The following DSCAM variants were observed in gnomAD, a reference collection of about 807,000 sequenced individuals.
DSCAM encodes the protein DS cell adhesion molecule.
DSCAM carries 47 observed loss-of-function variants against 217.7 expected under a neutral mutation model. That is an observed-to-expected ratio of 0.22 (90% CI 0.17 to 0.28). The LOEUF (loss-of-function observed/expected upper bound fraction) is 0.28. Ranked by LOEUF, DSCAM falls within the 10% of genes least tolerant of loss-of-function variation. DSCAM has a pLI of 1.00. For missense variants in DSCAM, 2,080 were observed against 2,618.3 expected, an observed-to-expected ratio of 0.79 and a Z score of 4.49; for synonymous variants, 1,056 against 1,015.3, an observed-to-expected ratio of 1.04 and a Z score of -0.76.
chr21:40,212,442 T>G (rs1367648397), intron 11 of DSCAM: 1 of 154,236 alleles, frequency 6.5e-6, no homozygotes, highest in Middle Eastern at 5.1e-4. Flanking sequence ...AGCCCTGGTC[T>G]CAGCCTTACC....
chr21:40,412,569 G>C (rs964711205), intron 3 of DSCAM, among the ~76,000 whole-genome samples: 1 of 152,168 alleles, frequency 6.6e-6, no homozygotes, highest in African/African-American at 2.4e-5. Context: ...CTTTGAACTT[G>C]ACAGATATGA....
At chr21:40,796,909 T>C (rs1258534059) in intron 1 of DSCAM, among the ~76,000 whole-genome samples, 23 of 152,224 alleles carry the variant, frequency 1.5e-4, no homozygotes, top group Admixed American at 1.5e-3. Flanking sequence ...TATCCACTTA[T>C]TTTCCTTGTC....
chr21:40,209,368 T>C (rs941688407), intron 11 of DSCAM, among the ~76,000 whole-genome samples: 1 of 152,214 alleles, frequency 6.6e-6, no homozygotes, highest in Non-Finnish European at 1.5e-5. Flanking sequence ...TCATAGACGT[T>C]GCATGGCGAT....
chr21:40,121,981 G>A (rs766510880), intron 20 of DSCAM, among the ~76,000 whole-genome samples: 3 of 151,970 alleles, frequency 2.0e-5, no homozygotes, highest in Non-Finnish European at 4.4e-5. Context: ...GTGAGCCACC[G>A]TGCCTTGCTG....
intron 2 of DSCAM, 26 bp downstream of exon 2, chr21:40,708,428 A>G (rs1367907975): frequency 3.6e-6 from 5 of 1,386,354 alleles, no homozygotes; most frequent in African/African-American, 1.5e-5. Flanking sequence ...AGGCACAGAA[A>G]AAACAAAGCC....
intron 11 of DSCAM, among the ~76,000 whole-genome samples, chr21:40,224,604 GAATTC>G (rs2091315484): frequency 6.6e-6 from 1 of 152,124 alleles, no homozygotes; most frequent in Non-Finnish European, 1.5e-5. Context: ...TGCAAAAAGA[GAATTC>G]AATTCCATAA....
chr21:40,043,728 G>A (rs1038205433), intron 31 of DSCAM, among the ~76,000 whole-genome samples: 2 of 152,212 alleles, frequency 1.3e-5, no homozygotes, highest in African/African-American at 2.4e-5. Flanking sequence ...TGGGTCAGAC[G>A]CCCTCAGAGT....
At chr21:40,541,001 A>G (rs2146132081) in intron 3 of DSCAM, among the ~76,000 whole-genome samples, 1 of 152,186 alleles carries the variant, frequency 6.6e-6, no homozygotes, top group Non-Finnish European at 1.5e-5. Context: ...AGTAGCTGGG[A>G]CTACAGGTGC....
intron 20 of DSCAM, among the ~76,000 whole-genome samples, chr21:40,094,178 G>A (rs1170425201): frequency 6.6e-6 from 1 of 152,064 alleles, no homozygotes; most frequent in Middle Eastern, 3.2e-3. Flanking sequence ...CCTCCCACCT[G>A]AAACAACTGA....
chr21:40,185,701 T>C, intron 14 of DSCAM, among the ~76,000 whole-genome samples: 1 of 152,136 alleles, frequency 6.6e-6, no homozygotes, highest in Non-Finnish European at 1.5e-5. Flanking sequence ...TAAGAAGCAT[T>C]TGCTTCACTT....
Position 40,045,098 on chromosome 21 carries a change from CTG to C in DSCAM, c.5186-825_5186-824del, listed in dbSNP as rs1191357645. Among the ~76,000 whole-genome samples the C allele has an allele frequency of 2.0e-5, 3 of 152,336 alleles. No individual in the cohort carries two copies. In the East Asian group the frequency reaches 5.8e-4, roughly 29 times the overall value. ...GGCCATGGGATGATGCAGGTGGAGA[CTG>C]GAGTGCTACAGCTGCAAGCAAATAC... is the stretch of plus-strand genomic sequence containing the variant. On this transcript the variant is annotated intron_variant, in intron 30 of 32. Coordinates refer to ENST00000400454, the MANE Select transcript of DSCAM (RefSeq NM_001389.5).
At chr21:40,768,569 C>T (rs898574779) in intron 1 of DSCAM, among the ~76,000 whole-genome samples, 13 of 152,144 alleles carry the variant, frequency 8.5e-5, no homozygotes, top group Admixed American at 6.5e-4. Context: ...GTATAATGAA[C>T]GAAGCCAGCT....
intron 3 of DSCAM, among the ~76,000 whole-genome samples, chr21:40,373,886 A>T (rs1027064808): frequency 6.6e-6 from 1 of 152,192 alleles, no homozygotes; most frequent in East Asian, 1.9e-4. Context: ...TGCTTTCTTC[A>T]TCTAGAAAAA....
chr21:40,217,977 T>C (rs1462285908), intron 11 of DSCAM, among the ~76,000 whole-genome samples: 1 of 152,208 alleles, frequency 6.6e-6, no homozygotes, highest in Non-Finnish European at 1.5e-5. Flanking sequence ...ATCATTTCTT[T>C]TGCTATGCAG....
intron 3 of DSCAM, among the ~76,000 whole-genome samples, chr21:40,448,999 G>C (rs533811596): frequency 6.6e-6 from 1 of 152,266 alleles, no homozygotes; most frequent in East Asian, 1.9e-4. Flanking sequence ...CCTCTGAAGA[G>C]AAAATTATTA....
chr21:40,080,913 C>A (rs1228755563), intron 24 of DSCAM, among the ~76,000 whole-genome samples: 1 of 152,210 alleles, frequency 6.6e-6, no homozygotes, highest in Non-Finnish European at 1.5e-5. Context: ...TTCATTCCCC[C>A]ACATGAGCAC....
intron 3 of DSCAM, among the ~76,000 whole-genome samples, chr21:40,463,107 A>C (rs1336107829): frequency 6.6e-6 from 1 of 152,116 alleles, no homozygotes; most frequent in African/African-American, 2.4e-5. Context: ...ATAAAACAGC[A>C]ATTTCATATT....
intron 11 of DSCAM, among the ~76,000 whole-genome samples, chr21:40,263,163 A>G (rs994555076): frequency 6.6e-6 from 1 of 152,244 alleles, no homozygotes; most frequent in Non-Finnish European, 1.5e-5. Flanking sequence ...ATCTACCAGA[A>G]AACTAAAGAC....
At chr21:40,273,805 G>A (rs1004049262) in intron 11 of DSCAM, among the ~76,000 whole-genome samples, 5 of 152,054 alleles carry the variant, frequency 3.3e-5, no homozygotes, top group Non-Finnish European at 5.9e-5. Context: ...GTATATCCTC[G>A]CATGGTGGAA....
Sources: gnomAD v4.1 joint callset for allele counts (sites outside exome capture counted in the v4.1 genomes callset) on GRCh38, gnomAD v4.1.1 for gene constraint, MANE v1.5 for transcripts, NCBI Gene and HGNC (gene_info 2026-07-23, HGNC 2026-07-21) for gene names.